SPATC1: variants seen among roughly 807,000 people sequenced by gnomAD.
SPATC1 encodes the protein speriolin.
Under a neutral mutation model 36.5 loss-of-function variants are expected in SPATC1, and 35 were observed. The ratio of observed to expected loss-of-function variants is 0.96; its 90% CI spans 0.73 to 1.27. The LOEUF (loss-of-function observed/expected upper bound fraction) is 1.27. SPATC1 is among the 50% of genes most tolerant of loss of function. SPATC1 has a pLI of 0.00. For synonymous variants in SPATC1, 361 were observed against 353.6 expected, an observed-to-expected ratio of 1.02 and a Z score of -0.24; for missense variants, 779 against 796.0, an observed-to-expected ratio of 0.98 and a Z score of 0.26.
intron 4 of SPATC1, among the ~76,000 whole-genome samples, chr8:144,041,791 C>T (rs1835108604): frequency 6.6e-6 from 1 of 152,176 alleles, no homozygotes; most frequent in African/African-American, 2.4e-5. Context: ...TTGGGCTTCT[C>T]TTGAGAAAAC....
At chr8:144,020,229 G>A (rs1295330217) in intron 1 of SPATC1, among the ~76,000 whole-genome samples, 1 of 122,578 alleles carries the variant, frequency 8.2e-6, no homozygotes, top group South Asian at 2.8e-4. Context: ...TCAGGAGGCT[G>A]TTCTCTCAGG....
rs11986960 is a variant in SPATC1 at position 144,045,204 on chromosome 8, A to G, written c.1447-1423A>G. Among the ~76,000 whole-genome samples, 19,261 of 152,214 alleles carry G rather than the reference A, an allele frequency of 0.13. 3,825 individuals are homozygous for G. The highest frequency in any genetic ancestry group is 0.42 in the African/African-American group (17,548 of 41,482). ...GGCCCTCACTCTTGCGCTGAACCTC[A>G]ATGGTGTCTTCCTGCCCCCCACAAC... On this transcript the variant is annotated intron_variant, in intron 4 of 4. Coordinates refer to ENST00000377470, the MANE Select transcript of SPATC1 (RefSeq NM_198572.3). The surrounding 1 kb of genome is among the most constrained non-coding windows in gnomAD (Gnocchi z 5.2).
At chr8:144,020,362 C>T (rs1305230747) in intron 1 of SPATC1, among the ~76,000 whole-genome samples, 3 of 136,824 alleles carry the variant, frequency 2.2e-5, no homozygotes, top group Non-Finnish European at 4.8e-5. Flanking sequence ...CCCTTTCCCC[C>T]GAGGACTACC....
At chr8:144,018,839 C>T (rs1412799550) in intron 1 of SPATC1, among the ~76,000 whole-genome samples, 1 of 140,426 alleles carries the variant, frequency 7.1e-6, no homozygotes, top group Non-Finnish European at 1.5e-5. Context: ...TGAGACCATC[C>T]TGGCCAACAC....
chr8:144,035,503 G>A (rs1317829233), intron 1 of SPATC1, among the ~76,000 whole-genome samples: 1 of 152,328 alleles, frequency 6.6e-6, no homozygotes, highest in Admixed American at 6.5e-5. Context: ...AGTCCCCGTG[G>A]CTTCTGCTTT....
In SPATC1 at chr8:144,046,534, C is replaced by T. The variant is rs2129696798; in HGVS notation, c.1447-93C>T. 8.2e-7 allele frequency: 1 copy of T among 1,225,002 alleles called. No individual in the cohort carries two copies. The highest frequency in any genetic ancestry group is 2.4e-5 in the East Asian group (1 of 42,206). The allele number at this position is 1,225,002 out of a possible 1,614,324, so 75.9% of individuals were successfully genotyped here. On this transcript the variant is annotated intron_variant, in intron 4 of 4. Coordinates refer to ENST00000377470, the MANE Select transcript of SPATC1 (RefSeq NM_198572.3). The surrounding 1 kb of genome is among the most constrained non-coding windows in gnomAD (Gnocchi z 6.6). ...CGCACACCCCTCGGATCCTGGCCAT[C>T]TCACAGCCTCACCTGCCCCTCGGTC...
intron 1 of SPATC1, among the ~76,000 whole-genome samples, chr8:144,037,734 C>T (rs1254335184): frequency 2.0e-5 from 3 of 151,898 alleles, no homozygotes; most frequent in African/African-American, 4.8e-5. Flanking sequence ...TATCTGCTGA[C>T]CTTCCCTCCA....
chr8:144,024,792 C>T (rs1333701449), intron 1 of SPATC1, among the ~76,000 whole-genome samples: 3 of 149,498 alleles, frequency 2.0e-5, no homozygotes, highest in African/African-American at 7.4e-5. Context: ...TACCCTCTCC[C>T]CTCAGCACCC....
intron 1 of SPATC1, among the ~76,000 whole-genome samples, chr8:144,024,752 C>T (rs1834638667): frequency 6.6e-6 from 1 of 150,730 alleles, no homozygotes. Flanking sequence ...GAAAACCCTC[C>T]TTCCCTCAGG....
At chr8:144,041,204 C>T (rs782288559) in intron 3 of SPATC1, 28 bp from the exon 4 acceptor site, 1 of 1,612,364 alleles carries the variant, frequency 6.2e-7, no homozygotes, top group Admixed American at 1.7e-5. Context: ...ACCCTCTCAC[C>T]TGGGCTGACG....
chr8:144,017,165 T>G (rs1478582071), intron 1 of SPATC1, among the ~76,000 whole-genome samples: 1 of 152,154 alleles, frequency 6.6e-6, no homozygotes, highest in Non-Finnish European at 1.5e-5. Flanking sequence ...TGCTTGGATG[T>G]GAGGGATGAC....
chr8:144,041,345 T>C lies in SPATC1; in HGVS notation c.1420T>C (p.Ser474Pro). Reference protein sequence around the residue: ...ERVRLYGFTVSNIPEKIIQAS... With the variant: ...ERVRLYGFTVPNIPEKIIQAS... ...CGTACGGCTCTACGGCTTCACTGTC[T>C]CCAACATCCCAGAGAAGATCATCCA... Residue 474 changes from serine (S) to proline (P), a missense_variant, in exon 4 of 5, where the codon TCC becomes CCC. Coordinates refer to ENST00000377470, the MANE Select transcript of SPATC1 (RefSeq NM_198572.3). 6.2e-7 allele frequency: 1 copy of C among 1,611,456 alleles called. No individual in the cohort carries two copies. The highest frequency in any genetic ancestry group is 8.5e-7 in the Non-Finnish European group (1 of 1,180,014).
At chr8:144,037,895 C>T (rs571527462) in intron 1 of SPATC1, among the ~76,000 whole-genome samples, 48 of 151,508 alleles carry the variant, frequency 3.2e-4, no homozygotes, top group African/African-American at 1.1e-3. Flanking sequence ...TTTGGGAGGC[C>T]AAGGCGGGCA....
intron 1 of SPATC1, among the ~76,000 whole-genome samples, chr8:144,023,972 A>C (rs1478949162): frequency 2.8e-3 from 39 of 13,952 alleles, no homozygotes; most frequent in African/African-American, 3.2e-3. Context: ...AGGACCTTCT[A>C]CCTTAAGGAC....
intron 2 of SPATC1, 41 bp from the exon 3 acceptor site, chr8:144,040,527 T>G (rs1334414849): frequency 5.1e-6 from 8 of 1,562,434 alleles, no homozygotes; most frequent in Non-Finnish European, 6.9e-6. Context: ...CACCTCACTC[T>G]AATCCCCCTT....
At position 144,046,731 on chromosome 8, in the gene SPATC1, C is replaced by T. The variant is rs782612971; in HGVS notation, c.1551C>T (p.Asn517=). 27 of 1,612,346 alleles carry T rather than the reference C, an allele frequency of 1.7e-5. No homozygotes were observed. The highest frequency in any genetic ancestry group is 1.6e-4 in the East Asian group (7 of 44,892). ...VMNRLQSLGY[N]GRVHPALTEQ... ...ACAGGCTGCAGAGTCTGGGCTACAA[C>T]GGGCGGGTGCACCCTGCGCTGACCG... is the stretch of plus-strand genomic sequence containing the variant. Residue 517 remains asparagine, a synonymous_variant, in exon 5 of 5, where the codon AAC becomes AAT. Transcript: ENST00000377470. This position sits in a 1 kb window ranked among gnomAD's most constrained non-coding sequence, Gnocchi z 6.6.
rs1392315642 is a variant in SPATC1 at position 144,040,218 on chromosome 8, C to T, written c.521C>T (p.Pro174Leu). ...TLTPSSLVAG[P>L]VAMSQSSPLI... The stretch of plus-strand genomic sequence containing the variant: ...ACTCCCAGCAGCCTCGTGGCAGGCC[C>T]TGTGGCCATGTCCCAGAGCAGCCCC... The change falls in exon 2 of 5, where the codon CCT becomes CTT. Residue 174 changes from proline to leucine, a missense_variant. Coordinates refer to ENST00000377470, the MANE Select transcript of SPATC1 (RefSeq NM_198572.3). The T allele has an allele frequency of 1.1e-5, 17 of 1,612,804 alleles. No individual in the cohort carries two copies. Among genetic ancestry groups the T allele is most frequent in the Non-Finnish European group, 1.4e-5 (16 of 1,179,906 alleles).
intron 1 of SPATC1, among the ~76,000 whole-genome samples, chr8:144,023,135 C>CG (rs1834581098): frequency 1.5e-5 from 2 of 137,196 alleles, no homozygotes; most frequent in African/African-American, 5.6e-5. Flanking sequence ...ACCCTCTCCC[C>CG]CCAGGACCCT....
intron 1 of SPATC1, among the ~76,000 whole-genome samples, chr8:144,029,639 C>T (rs2133124064): frequency 6.6e-6 from 1 of 152,230 alleles, no homozygotes; most frequent in South Asian, 2.1e-4. Context: ...AGATTTCCAT[C>T]TGTTATTGAT....
Sources: allele counts gnomAD v4.1 joint callset (sites outside exome capture counted in the v4.1 genomes callset), GRCh38; gene constraint gnomAD v4.1.1; non-coding constraint Gnocchi (gnomAD v3.1); transcripts MANE v1.5; gene names NCBI Gene and HGNC (gene_info 2026-07-23, HGNC 2026-07-21).